The following IGF2BP3 variants were observed in gnomAD, a reference collection of about 807,000 sequenced individuals.
The protein encoded by IGF2BP3 is insulin like growth factor 2 mRNA binding protein 3, also known as insulin-like growth factor 2 mRNA-binding protein 3.
In IGF2BP3, 9 loss-of-function variants were observed where a neutral mutation model predicts 73.8. That is an observed-to-expected ratio of 0.12 (90% confidence interval 0.07 to 0.21). The LOEUF is 0.21. Among genes scored for constraint, IGF2BP3 ranks in the 10% least tolerant of loss-of-function variants. The probability of loss-of-function intolerance (pLI) is 1.00; values close to 1 mark genes in which losing one functional copy is unlikely to be tolerated. For missense variants in IGF2BP3, 542 were observed against 714.0 expected (o/e 0.76, Z 2.75); for synonymous variants, 258 against 256.7 (o/e 1.01, Z -0.05).
intron 2 of IGF2BP3, among the ~76,000 whole-genome samples, chr7:23,424,980 G>T (rs992396352): frequency 1.3e-5 from 2 of 152,096 alleles, no homozygotes; most frequent in African/African-American, 2.4e-5. Flanking sequence ...TCCCCCTTAC[G>T]TAGCATGCCA....
chr7:23,415,297 TCAC>T (rs1162396727), intron 3 of IGF2BP3: 4 of 242,616 alleles, frequency 1.6e-5, no homozygotes, highest in African/African-American at 1.0e-4. Flanking sequence ...TCAGTCAGCA[TCAC>T]CACATCCGCA....
At chr7:23,445,856 T>C (rs1216574320) in intron 2 of IGF2BP3, among the ~76,000 whole-genome samples, 2 of 152,224 alleles carry the variant, frequency 1.3e-5, no homozygotes, top group African/African-American at 4.8e-5. Context: ...ATCATGTATA[T>C]GAAGAATGAC....
chr7:23,397,797 A>G (rs549024854), intron 3 of IGF2BP3, among the ~76,000 whole-genome samples: 1 of 152,342 alleles, frequency 6.6e-6, no homozygotes, highest in East Asian at 1.9e-4. Flanking sequence ...TAATGGTCCC[A>G]AATATATCTA....
intron 2 of IGF2BP3, among the ~76,000 whole-genome samples, chr7:23,462,423 G>A (rs959179786): frequency 1.3e-5 from 2 of 150,574 alleles, no homozygotes; most frequent in African/African-American, 4.9e-5. Flanking sequence ...GTGCAGTAGC[G>A]CGATCTCAGC....
intron 3 of IGF2BP3, among the ~76,000 whole-genome samples, chr7:23,380,769 G>A (rs6943124): frequency 0.047 from 7,213 of 152,208 alleles, 598 homozygotes; most frequent in African/African-American, 0.16. Context: ...AGAACACAAC[G>A]TGACTACAAA....
intron 2 of IGF2BP3, among the ~76,000 whole-genome samples, chr7:23,447,666 GTCCC>G (rs1788098037): frequency 6.6e-6 from 1 of 151,956 alleles, no homozygotes; most frequent in African/African-American, 2.4e-5. Context: ...CCAAGGAACT[GTCCC>G]AGATTAAAAG....
intron 2 of IGF2BP3, among the ~76,000 whole-genome samples, chr7:23,463,460 G>A (rs2128552047): frequency 6.6e-6 from 1 of 152,288 alleles, no homozygotes; most frequent in Middle Eastern, 3.4e-3. Flanking sequence ...GCTCCTTACA[G>A]GAAAAACCCC....
chr7:23,359,694 C>CA (rs912037213), intron 5 of IGF2BP3, among the ~76,000 whole-genome samples: 28 of 149,736 alleles, frequency 1.9e-4, no homozygotes, highest in East Asian at 3.9e-4. Context: ...AAAAAAAATA[C>CA]AAAAAAAAAG....
intron 3 of IGF2BP3, among the ~76,000 whole-genome samples, chr7:23,395,053 A>C (rs1309468970): frequency 6.6e-6 from 1 of 152,208 alleles, no homozygotes; most frequent in Non-Finnish European, 1.5e-5. Flanking sequence ...AATCCACCCT[A>C]ATGAGGCTGG....
At chr7:23,467,643 A>T (rs1270223694) in intron 2 of IGF2BP3, 1 of 152,296 alleles carries the variant, frequency 6.6e-6, no homozygotes, top group Admixed American at 6.5e-5. Flanking sequence ...TGCTCTAGCG[A>T]AAGGAAAGGA....
At chr7:23,412,016 C>G (rs1318104849) in intron 3 of IGF2BP3, among the ~76,000 whole-genome samples, 1 of 123,784 alleles carries the variant, frequency 8.1e-6, no homozygotes, top group Non-Finnish European at 1.6e-5. Context: ...TCAGTAGAGT[C>G]TCGCCTGCCG....
chr7:23,442,066 G>A (rs1409080655), intron 2 of IGF2BP3, among the ~76,000 whole-genome samples: 3 of 152,212 alleles, frequency 2.0e-5, no homozygotes, highest in Admixed American at 6.5e-5. Flanking sequence ...GGCAGAGGCT[G>A]CAGTCAGCCA....
chr7:23,355,565 TG>T (rs1785076270), intron 5 of IGF2BP3, among the ~76,000 whole-genome samples: 1 of 152,096 alleles, frequency 6.6e-6, no homozygotes, highest in Non-Finnish European at 1.5e-5. Flanking sequence ...TCTTTGCTCT[TG>T]GTGCTATTTT....
intron 11 of IGF2BP3, 40 bp downstream of exon 11, chr7:23,319,094 AACTT>A (rs769088919): frequency 2.5e-6 from 3 of 1,183,844 alleles, no homozygotes; most frequent in South Asian, 2.6e-5. Context: ...ATATTTCTGT[AACTT>A]ACTTAAAGAA....
At chr7:23,326,990 G>C (rs1002149580) in intron 10 of IGF2BP3, among the ~76,000 whole-genome samples, 4 of 150,494 alleles carry the variant, frequency 2.7e-5, no homozygotes, top group African/African-American at 9.8e-5. Flanking sequence ...GTGGGTGCAG[G>C]GCACCAGCAT....
At chr7:23,366,056 T>C (rs184560628) in intron 3 of IGF2BP3, 1 of 152,218 alleles carries the variant, frequency 6.6e-6, no homozygotes, top group Admixed American at 6.5e-5. Flanking sequence ...TTTCACTGCA[T>C]ATATTCAAAA....
rs572336137 is a variant in IGF2BP3 at position 23,441,291 on chromosome 7, A to C, written c.237-22467T>G. Among the ~76,000 whole-genome samples the C allele has an allele frequency of 5.9e-5, 9 of 152,098 alleles. No homozygotes were observed. In the East Asian group the frequency reaches 1.2e-3, roughly 20 times the overall value. On this transcript the variant is annotated intron_variant, in intron 2 of 14. Coordinates refer to ENST00000258729, the MANE Select transcript of IGF2BP3 (RefSeq NM_006547.3). ...TGCAAAAAATAAAGACACATATGTT[A>C]AGACCAGGCACGGTGGTTCACACCT...
intron 9 of IGF2BP3, among the ~76,000 whole-genome samples, chr7:23,343,092 C>G (rs941922962): frequency 6.6e-6 from 1 of 152,210 alleles, no homozygotes; most frequent in Admixed American, 6.5e-5. Flanking sequence ...CACCATTTCA[C>G]TGATTAAGGA....
chr7:23,406,062 C>A, intron 3 of IGF2BP3, among the ~76,000 whole-genome samples: 1 of 141,910 alleles, frequency 7.0e-6, no homozygotes, highest in Non-Finnish European at 1.6e-5. Context: ...TCAAAATTTT[C>A]TGATTAAAAA....
Sources: allele counts gnomAD v4.1 joint callset (sites outside exome capture counted in the v4.1 genomes callset), GRCh38; gene constraint gnomAD v4.1.1; transcripts MANE v1.5; gene names NCBI Gene and HGNC (gene_info 2026-07-23, HGNC 2026-07-21).